The following RALGPS1 variants were observed in gnomAD, a reference collection of about 807,000 sequenced individuals.
The protein encoded by RALGPS1 is Ral GEF with PH domain and SH3 binding motif 1.
A neutral mutation model predicts 78.8 loss-of-function variants in RALGPS1; 19 were observed. The observed-to-expected ratio is 0.24, with a 90% CI of 0.17 to 0.35. The LOEUF (loss-of-function observed/expected upper bound fraction) is 0.35. Among genes scored for constraint, RALGPS1 ranks in the 10% least tolerant of loss-of-function variants. The pLI is 1.00. For missense variants in RALGPS1, 454 were observed against 688.3 expected, an observed-to-expected ratio of 0.66 and a Z score of 3.81; for synonymous variants, 228 against 256.3, an observed-to-expected ratio of 0.89 and a Z score of 1.06.
At chr9:127,095,505 A>T (rs191868935) in intron 8 of RALGPS1, among the ~76,000 whole-genome samples, 166 of 152,362 alleles carry the variant, frequency 1.1e-3, no homozygotes, top group Admixed American at 2.2e-3. Context: ...TGTTTATTCA[A>T]CAACTGTGTA....
At chr9:127,208,585 G>A (rs915602882) in intron 14 of RALGPS1, among the ~76,000 whole-genome samples, 11 of 152,128 alleles carry the variant, frequency 7.2e-5, no homozygotes, top group African/African-American at 2.4e-4. Flanking sequence ...CGGTGGCAGC[G>A]CGAGTGCACT....
intron 4 of RALGPS1, chr9:126,990,291 C>T (rs375271604): frequency 1.8e-5 from 6 of 327,980 alleles, no homozygotes; most frequent in East Asian, 1.3e-4. Context: ...ACTGCCATCC[C>T]TCCCCTGAAT....
At chr9:127,210,460 TGAAA>T (rs1319338591) in intron 14 of RALGPS1, 10 of 560,928 alleles carry the variant, frequency 1.8e-5, no homozygotes, top group Non-Finnish European at 3.2e-6. Context: ...AATAAAAAGT[TGAAA>T]GAATTACGCG....
intron 2 of RALGPS1, among the ~76,000 whole-genome samples, chr9:126,964,124 G>A (rs1481905132): frequency 6.6e-6 from 1 of 152,036 alleles, no homozygotes; most frequent in East Asian, 1.9e-4. Flanking sequence ...TTGGGAGGCT[G>A]AGGTGGGTGG....
At chr9:127,061,484 A>T (rs1002125105) in intron 7 of RALGPS1, among the ~76,000 whole-genome samples, 1 of 152,246 alleles carries the variant, frequency 6.6e-6, no homozygotes, top group African/African-American at 2.4e-5. Flanking sequence ...GGCCAAGTCA[A>T]AACCACACTT....
chr9:127,155,901 T>G (rs2058683849), intron 8 of RALGPS1, among the ~76,000 whole-genome samples: 2 of 139,352 alleles, frequency 1.4e-5, no homozygotes, highest in Admixed American at 1.4e-4. Context: ...TATCTTGCTT[T>G]TTTTTTTTTT....
intron 14 of RALGPS1, chr9:127,210,808 T>G: frequency 6.6e-7 from 1 of 1,520,250 alleles, no homozygotes; most frequent in Non-Finnish European, 8.9e-7. Flanking sequence ...TTCATTTGTT[T>G]GACACATAGC....
At position 127,199,056 on chromosome 9, in the gene RALGPS1, G is replaced by A. The variant is rs778580359; in HGVS notation, c.1237G>A (p.Gly413Arg). 1.9e-6 allele frequency: 3 copies of A among 1,614,036 alleles called. No homozygotes were observed. In the South Asian group the frequency reaches 3.3e-5, roughly 18 times the overall value. Reference protein sequence around the residue: ...SSEFSEEMSSGLESPTGPCIC... With the variant: ...SSEFSEEMSSRLESPTGPCIC... The stretch of plus-strand genomic sequence containing the variant: ...AGAGTTTAGTGAAGAGATGTCTTCA[G>A]GGCTGGAAAGGTGAGTGTGGCCTCA... Residue 413 changes from glycine to arginine, a missense_variant, in exon 14 of 19, where the codon GGG (glycine) becomes AGG (arginine). Coordinates refer to ENST00000259351, the MANE Select transcript of RALGPS1 (RefSeq NM_014636.3).
intron 17 of RALGPS1, among the ~76,000 whole-genome samples, chr9:127,213,490 G>T (rs2062400368): frequency 6.6e-6 from 1 of 152,168 alleles, no homozygotes; most frequent in Non-Finnish European, 1.5e-5. Flanking sequence ...ACTTCCCAAA[G>T]CTCCAGCCTT....
chr9:127,189,527 T>G (rs2060906742), intron 11 of RALGPS1, among the ~76,000 whole-genome samples: 1 of 152,178 alleles, frequency 6.6e-6, no homozygotes, highest in Non-Finnish European at 1.5e-5. Flanking sequence ...CTTCTACTAC[T>G]CTACTTGCAA....
At chr9:127,124,387 A>G (rs1413044503) in intron 8 of RALGPS1, among the ~76,000 whole-genome samples, 1 of 152,200 alleles carries the variant, frequency 6.6e-6, no homozygotes, top group Non-Finnish European at 1.5e-5. Context: ...GTGAGCAAGG[A>G]AAGATGCCTG....
chr9:127,217,262 C>G (rs1014774947), intron 18 of RALGPS1: 2 of 1,176,674 alleles, frequency 1.7e-6, no homozygotes, highest in African/African-American at 3.2e-5. Flanking sequence ...CTACTTTCCC[C>G]CTTTTTTATT....
intron 4 of RALGPS1, among the ~76,000 whole-genome samples, chr9:127,031,362 G>A (rs142681863): frequency 6.6e-6 from 1 of 152,338 alleles, no homozygotes; most frequent in East Asian, 1.9e-4. Flanking sequence ...AAGCGGTCAG[G>A]CCCAGTACTT....
At chr9:127,199,254 GGGCCCCAGCCCCCATGCTCTGA>G (rs1219332900) in intron 14 of RALGPS1, among the ~76,000 whole-genome samples, 188 bp downstream of exon 14, 1 of 152,100 alleles carries the variant, frequency 6.6e-6, no homozygotes, top group African/African-American at 2.4e-5. Context: ...ATGGTTGCTG[GGGCCCCAGCCCCCATGCTCTGA>G]GCAGCCCCAT....
At chr9:127,069,086 C>A in intron 7 of RALGPS1, 144 bp from the exon 8 acceptor site, 1 of 816,842 alleles carries the variant, frequency 1.2e-6, no homozygotes, top group East Asian at 2.8e-5. Flanking sequence ...ACGAAACAGC[C>A]TTTTAAAATC....
At chr9:127,011,825 C>T (rs544383419) in intron 4 of RALGPS1, among the ~76,000 whole-genome samples, 38 of 152,312 alleles carry the variant, frequency 2.5e-4, no homozygotes, top group African/African-American at 8.2e-4. Context: ...CCCTGTCCCC[C>T]GTCTTACAGA....
chr9:127,021,765 C>A (rs2045477709), intron 4 of RALGPS1, among the ~76,000 whole-genome samples: 1 of 151,868 alleles, frequency 6.6e-6, no homozygotes, highest in South Asian at 2.1e-4. Context: ...TGGGCCTAGT[C>A]CCAGTTTGTT....
intron 8 of RALGPS1, chr9:127,093,684 T>TG: frequency 6.2e-7 from 1 of 1,601,314 alleles, no homozygotes; most frequent in Non-Finnish European, 8.5e-7. Context: ...TCTCTTGGGG[T>TG]GGGCCAGTCA....
intron 7 of RALGPS1, among the ~76,000 whole-genome samples, chr9:127,060,016 A>G (rs1162953049): frequency 6.6e-6 from 1 of 152,214 alleles, no homozygotes; most frequent in Non-Finnish European, 1.5e-5. Flanking sequence ...TGTTAAAAAT[A>G]AAGTGCTCTC....
Sources: allele counts gnomAD v4.1 joint callset (sites outside exome capture counted in the v4.1 genomes callset), GRCh38; gene constraint gnomAD v4.1.1; transcripts MANE v1.5; gene names NCBI Gene and HGNC (gene_info 2026-07-23, HGNC 2026-07-21).